Variants in CACNA2D3 observed in about 807,000 individuals in gnomAD.
CACNA2D3 encodes voltage-dependent calcium channel subunit alpha-2/delta-3.
CACNA2D3 carries 60 observed loss-of-function variants against 160.6 expected under a neutral mutation model. That is an observed-to-expected ratio of 0.37 (90% CI 0.30 to 0.46). The LOEUF (loss-of-function observed/expected upper bound fraction) is 0.46, where lower values mean the gene tolerates loss of function less well. Among genes scored for constraint, CACNA2D3 ranks in the 20% least tolerant of loss-of-function variants. The probability of loss-of-function intolerance (pLI) is 1.00; values close to 1 mark genes in which losing one functional copy is unlikely to be tolerated. For missense variants in CACNA2D3, 1,205 were observed against 1,365.0 expected, an observed-to-expected ratio of 0.88 and a Z score of 1.85; for synonymous variants, 558 against 492.9, an observed-to-expected ratio of 1.13 and a Z score of -1.75.
At chr3:54,382,715 C>T (rs182350947) in intron 3 of CACNA2D3, among the ~76,000 whole-genome samples, 5 of 152,334 alleles carry the variant, frequency 3.3e-5, no homozygotes, top group East Asian at 1.9e-4. Context: ...ACCCAGGAGG[C>T]GGAGCTTGCA....
At chr3:54,751,077 T>G (rs1701848660) in intron 11 of CACNA2D3, among the ~76,000 whole-genome samples, 1 of 152,088 alleles carries the variant, frequency 6.6e-6, no homozygotes, top group African/African-American at 2.4e-5. Context: ...GCTGGATCTT[T>G]GCTTTCTTTT....
intron 4 of CACNA2D3, among the ~76,000 whole-genome samples, chr3:54,483,644 A>G (rs917857399): frequency 2.0e-5 from 3 of 152,188 alleles, no homozygotes; most frequent in Non-Finnish European, 2.9e-5. Flanking sequence ...AACAACCACA[A>G]AAATAAATAG....
At chr3:54,393,560 C>T (rs1345361260) in intron 4 of CACNA2D3, among the ~76,000 whole-genome samples, 1 of 152,232 alleles carries the variant, frequency 6.6e-6, no homozygotes, top group South Asian at 2.1e-4. Context: ...GCTGCTCTAC[C>T]TACCCCTCCC....
chr3:54,899,683 C>T, intron 26 of CACNA2D3, 105 bp from the exon 27 acceptor site: 1 of 845,656 alleles, frequency 1.2e-6, no homozygotes, highest in South Asian at 1.6e-5. Flanking sequence ...GACCAAGCCC[C>T]AGAACAATTT....
intron 11 of CACNA2D3, among the ~76,000 whole-genome samples, chr3:54,744,617 C>A (rs571746869): frequency 1.3e-5 from 2 of 152,330 alleles, no homozygotes; most frequent in Non-Finnish European, 2.9e-5. Flanking sequence ...CTTGTCAAAA[C>A]CCACCCCTGT....
intron 2 of CACNA2D3, among the ~76,000 whole-genome samples, chr3:54,152,255 G>A (rs528862410): frequency 6.6e-6 from 1 of 152,158 alleles, no homozygotes; most frequent in Non-Finnish European, 1.5e-5. Context: ...TCTCAGAAGC[G>A]GGGGCATTGT....
chr3:54,129,419 GTTTAAGGCACTAAAT>G (rs1476015284), intron 2 of CACNA2D3, among the ~76,000 whole-genome samples: 23 of 152,054 alleles, frequency 1.5e-4, no homozygotes, highest in African/African-American at 5.3e-4. Context: ...TTCCAAGGCT[GTTTAAGGCACTAAAT>G]TTATAACATG....
intron 2 of CACNA2D3, among the ~76,000 whole-genome samples, chr3:54,208,335 T>C (rs575030857): frequency 5.9e-5 from 9 of 152,210 alleles, no homozygotes; most frequent in Non-Finnish European, 1.3e-4. Context: ...CTCAAACTCC[T>C]GACCTCAAGT....
intron 4 of CACNA2D3, among the ~76,000 whole-genome samples, chr3:54,452,143 C>G (rs1700317483): frequency 6.6e-6 from 1 of 152,156 alleles, no homozygotes. Context: ...GGTAACTTAT[C>G]AAGGAAAGAG....
intron 2 of CACNA2D3, among the ~76,000 whole-genome samples, chr3:54,313,762 T>A (rs1703799853): frequency 7.1e-6 from 1 of 140,454 alleles, no homozygotes; most frequent in South Asian, 2.7e-4. Context: ...CCCAGCCTTG[T>A]CGTCCTCAAA....
chr3:54,187,239 T>C (rs1700894067), intron 2 of CACNA2D3, among the ~76,000 whole-genome samples: 1 of 152,180 alleles, frequency 6.6e-6, no homozygotes, highest in Non-Finnish European at 1.5e-5. Context: ...GAGGGATTGA[T>C]AGGCCTCCTG....
intron 5 of CACNA2D3, among the ~76,000 whole-genome samples, chr3:54,557,046 C>A (rs1169300070): frequency 1.3e-5 from 2 of 152,052 alleles, no homozygotes; most frequent in East Asian, 1.9e-4. Context: ...CTTTTCCTAT[C>A]TTTTAAATGA....
intron 27 of CACNA2D3, among the ~76,000 whole-genome samples, chr3:54,936,936 G>A (rs1701343320): frequency 6.6e-6 from 1 of 152,172 alleles, no homozygotes; most frequent in African/African-American, 2.4e-5. Flanking sequence ...TACGGCTGAT[G>A]TTTATAAGTT....
At chr3:54,915,431 A>G (rs1423425307) in intron 27 of CACNA2D3, among the ~76,000 whole-genome samples, 1 of 152,206 alleles carries the variant, frequency 6.6e-6, no homozygotes, top group Non-Finnish European at 1.5e-5. Context: ...AATCAACACT[A>G]AACGTGATTT....
chr3:54,414,264 A>G (rs1699719145), intron 4 of CACNA2D3, among the ~76,000 whole-genome samples: 1 of 152,034 alleles, frequency 6.6e-6, no homozygotes, highest in African/African-American at 2.4e-5. Flanking sequence ...GAAAGAGAAA[A>G]ATGCATTTCT....
chr3:54,834,214 C>A (rs181747975), intron 14 of CACNA2D3, among the ~76,000 whole-genome samples: 25 of 152,286 alleles, frequency 1.6e-4, no homozygotes, highest in Admixed American at 1.6e-3. Flanking sequence ...AAAAAGGCTT[C>A]ATTTCTCATT....
At chr3:54,202,171 C>T (rs561270682) in intron 2 of CACNA2D3, among the ~76,000 whole-genome samples, 2 of 152,330 alleles carry the variant, frequency 1.3e-5, no homozygotes, top group South Asian at 4.1e-4. Context: ...ACGTGCAGAA[C>T]GGGAAGGGAA....
chr3:54,814,723 C>T (rs777277341), intron 13 of CACNA2D3, among the ~76,000 whole-genome samples: 1 of 152,144 alleles, frequency 6.6e-6, no homozygotes, highest in African/African-American at 2.4e-5. Context: ...ACCACAAAGG[C>T]CTGGTCTGTC....
intron 18 of CACNA2D3, among the ~76,000 whole-genome samples, chr3:54,875,890 G>C (rs1342821660): frequency 6.6e-6 from 1 of 152,190 alleles, no homozygotes; most frequent in Non-Finnish European, 1.5e-5. Context: ...TGTGGTACAA[G>C]CTGCTTTAAT....
Sources: gnomAD v4.1 joint callset for allele counts (sites outside exome capture counted in the v4.1 genomes callset) on GRCh38, gnomAD v4.1.1 for gene constraint, MANE v1.5 for transcripts, NCBI Gene and HGNC (gene_info 2026-07-23, HGNC 2026-07-21) for gene names.